The following LPO variants were observed in gnomAD, a reference collection of about 807,000 sequenced individuals.
LPO encodes the protein lactoperoxidase.
Under a neutral mutation model 68.4 loss-of-function variants are expected in LPO, and 70 were observed. That is an observed-to-expected ratio of 1.02 (90% confidence interval 0.84 to 1.25). The LOEUF is 1.25. Among genes scored for constraint, LPO ranks in the 50% most tolerant of loss-of-function variants. The probability of loss-of-function intolerance (pLI) is 0.00; values close to 1 mark genes in which losing one functional copy is unlikely to be tolerated. For synonymous variants in LPO, 360 were observed against 357.6 expected (o/e 1.01, Z -0.08); for missense variants, 873 against 908.4 (o/e 0.96, Z 0.50).
In LPO at chr17:58,267,913, C is replaced by T. The variant is rs781102568; in HGVS notation, c.2058C>T (p.Ala686=). 7 of 1,614,192 alleles carry T rather than the reference C, an allele frequency of 4.3e-6. No individual in the cohort carries two copies. In the South Asian group the frequency reaches 6.6e-5, roughly 15 times the overall value. ...AGGTCCCACGGGACCCATTCTGGGCCAACAGCTACCCCTATGACTTCGTGG... is the reference window on the plus strand; with the variant it reads ...AGGTCCCACGGGACCCATTCTGGGCTAACAGCTACCCCTATGACTTCGTGG... ...ITKVPRDPFW[A]NSYPYDFVDC... Residue 686 remains alanine (A), a synonymous_variant, in exon 13 of 13, where the codon GCC becomes GCT. Coordinates refer to ENST00000262290, the MANE Select transcript of LPO (RefSeq NM_006151.3).
Position 58,247,619 on chromosome 17 carries a change from A to G in LPO, c.306A>G (p.Ala102=), listed in dbSNP as rs371315467. The G allele has an allele frequency of 1.4e-5, 22 of 1,613,952 alleles. No individual in the cohort carries two copies. The highest frequency in any genetic ancestry group is 1.8e-5 in the Non-Finnish European group (21 of 1,179,878). Residue 102 remains alanine, a synonymous_variant, in exon 4 of 13, where the codon GCA becomes GCG. Coordinates refer to ENST00000262290, the MANE Select transcript of LPO (RefSeq NM_006151.3). ...CTTTAAAGAGACTGAGGCAGAAGGCATCCTTGACCAATGTCACAGGTACAG... is the reference window on the plus strand; with the variant it reads ...CTTTAAAGAGACTGAGGCAGAAGGCGTCCTTGACCAATGTCACAGGTACAG... ...EESLKRLRQK[A]SLTNVTDPSL...
chr17:58,257,570 T>G (rs1354317464), intron 9 of LPO, among the ~76,000 whole-genome samples: 1 of 152,250 alleles, frequency 6.6e-6, no homozygotes, highest in Non-Finnish European at 1.5e-5. Flanking sequence ...CTTTCAAATC[T>G]TAGCTATTGT....
chr17:58,239,280 A>G (rs1969712671), intron 1 of LPO, among the ~76,000 whole-genome samples: 1 of 150,170 alleles, frequency 6.7e-6, no homozygotes, highest in Admixed American at 6.7e-5. Context: ...GTTTGCCCTC[A>G]ATGTCTAGTC....
intron 3 of LPO, 153 bp downstream of exon 3, chr17:58,244,234 C>T (rs1598019624): frequency 1.5e-6 from 1 of 646,544 alleles, no homozygotes; most frequent in Non-Finnish European, 2.8e-6. Context: ...TCCTCCTAGC[C>T]CTCCAAGTAC....
At chr17:58,251,885 T>A (rs1374868323) in intron 7 of LPO, 1 of 667,350 alleles carries the variant, frequency 1.5e-6, no homozygotes, top group East Asian at 3.2e-5. Flanking sequence ...CCACCTCGTG[T>A]CCTGCTTTCC....
chr17:58,246,752 G>A (rs1002091274), intron 3 of LPO, among the ~76,000 whole-genome samples: 6 of 152,202 alleles, frequency 3.9e-5, no homozygotes, highest in Non-Finnish European at 7.4e-5. Context: ...GCTCACACAC[G>A]TGAGTGTGTG....
Position 58,254,991 on chromosome 17 carries a change from C to T in LPO, c.1266+20C>T, listed in dbSNP as rs891239640. ...GTGCAGGTAGGGAGTCCCAGGAGCA[C>T]TGTCACCTGGTCCCACCTGGCTCCC... On this transcript the variant is annotated intron_variant, in intron 9 of 12. Coordinates refer to ENST00000262290, the MANE Select transcript of LPO (RefSeq NM_006151.3). 3 of 1,611,286 alleles carry T rather than the reference C, an allele frequency of 1.9e-6. No homozygotes were observed. In the African/African-American group the frequency reaches 4.0e-5, roughly 22 times the overall value.
At chr17:58,255,600 C>T (rs1970056485) in intron 9 of LPO, among the ~76,000 whole-genome samples, 1 of 152,174 alleles carries the variant, frequency 6.6e-6, no homozygotes. Context: ...CAGCACCGAG[C>T]AGAGGGCAGA....
intron 1 of LPO, 49 bp from the exon 2 acceptor site, chr17:58,242,929 C>T: frequency 6.5e-7 from 1 of 1,530,396 alleles, no homozygotes; most frequent in South Asian, 1.1e-5. Context: ...CAAACCCTCC[C>T]ACTTGGTCTC....
chr17:58,255,226 T>G (rs530314869), intron 9 of LPO, among the ~76,000 whole-genome samples: 1 of 152,246 alleles, frequency 6.6e-6, no homozygotes, highest in Non-Finnish European at 1.5e-5. Context: ...CCCTTCAGTG[T>G]GCCTGCCTGG....
At chr17:58,264,626 A>G in intron 9 of LPO, 96 bp from the exon 10 acceptor site, 1 of 1,342,536 alleles carries the variant, frequency 7.4e-7, no homozygotes, top group South Asian at 1.3e-5. Flanking sequence ...GGTTTTCAAC[A>G]GCTCATCACT....
chr17:58,241,430 G>T (rs888532744), intron 1 of LPO, among the ~76,000 whole-genome samples: 8 of 152,046 alleles, frequency 5.3e-5, no homozygotes, highest in Admixed American at 1.3e-4. Flanking sequence ...ACCATAGTTT[G>T]TTTTTTAAAG....
At chr17:58,241,895 CAT>C (rs1969766387) in intron 1 of LPO, among the ~76,000 whole-genome samples, 2 of 152,208 alleles carry the variant, frequency 1.3e-5, no homozygotes, top group Non-Finnish European at 2.9e-5. Context: ...GTCTGCAAGA[CAT>C]ACGGGGAAGT....
At chr17:58,242,175 C>T (rs1175911011) in intron 1 of LPO, among the ~76,000 whole-genome samples, 1 of 152,226 alleles carries the variant, frequency 6.6e-6, no homozygotes, top group Non-Finnish European at 1.5e-5. Flanking sequence ...ATGGGGTCTG[C>T]TCCACTAAGC....
At chr17:58,249,256 C>T in intron 5 of LPO, 79 bp downstream of exon 5, 1 of 1,319,734 alleles carries the variant, frequency 7.6e-7, no homozygotes. Context: ...CCCTTGGGCA[C>T]TCTAGGCAGA....
chr17:58,268,034 G>A lies in LPO; in HGVS notation c.*40G>A, dbSNP rs371161807. 4.4e-6 allele frequency: 7 copies of A among 1,603,476 alleles called. No homozygotes were observed. The African/African-American group carries it at 9.4e-5, about 21-fold the overall frequency. ...CAGGAAAGTTCCCTTTGGTCCACAG[G>A]GCCATTTCAAGCAAGTTCAATGACC... On this transcript the variant is annotated 3_prime_UTR_variant, in exon 13 of 13. Coordinates refer to ENST00000262290, the MANE Select transcript of LPO (RefSeq NM_006151.3).
At chr17:58,249,224 C>T (rs1969910136) in intron 5 of LPO, 47 bp downstream of exon 5, 1 of 1,535,652 alleles carries the variant, frequency 6.5e-7, no homozygotes, top group Non-Finnish European at 9.0e-7. Context: ...GCCACTCCGC[C>T]CCGCCCTGCC....
intron 3 of LPO, chr17:58,244,380 G>T: frequency 7.6e-6 from 3 of 393,656 alleles, no homozygotes; most frequent in Non-Finnish European, 1.4e-5. Flanking sequence ...GCATTCCAGA[G>T]TCCCAGAAAG....
chr17:58,255,110 CTTG>C (rs991200058), intron 9 of LPO, 139 bp downstream of exon 9: 4 of 759,262 alleles, frequency 5.3e-6, no homozygotes, highest in African/African-American at 3.6e-5. Context: ...CTGCTTCTCT[CTTG>C]TTGTCTCATT....
Sources: allele counts gnomAD v4.1 joint callset (sites outside exome capture counted in the v4.1 genomes callset), GRCh38; gene constraint gnomAD v4.1.1; transcripts MANE v1.5; gene names NCBI Gene and HGNC (gene_info 2026-07-23, HGNC 2026-07-21).